Variants in NRG3 observed in about 807,000 individuals in gnomAD.
NRG3 encodes the protein pro-neuregulin-3, membrane-bound isoform.
NRG3 carries 31 observed loss-of-function variants against 66.9 expected under a neutral mutation model. That is an observed-to-expected ratio of 0.46 (90% CI 0.35 to 0.63). The LOEUF is 0.63. NRG3 is among the 20% of genes least tolerant of loss of function. The pLI is 0.00. For synonymous variants in NRG3, 393 were observed against 359.4 expected (o/e 1.09, Z -1.06); for missense variants, 910 against 878.9 (o/e 1.04, Z -0.45).
At chr10:82,384,503 C>T (rs2085848721) in intron 2 of NRG3, among the ~76,000 whole-genome samples, 1 of 152,094 alleles carries the variant, frequency 6.6e-6, no homozygotes, top group African/African-American at 2.4e-5. Flanking sequence ...TCATTTAGTT[C>T]CCACTTATAA....
chr10:81,928,274 G>A (rs1175628635), intron 1 of NRG3, among the ~76,000 whole-genome samples: 1 of 152,116 alleles, frequency 6.6e-6, no homozygotes, highest in Non-Finnish European at 1.5e-5. Flanking sequence ...CACTTGGAAA[G>A]CTTTTTACCA....
intron 4 of NRG3, among the ~76,000 whole-genome samples, chr10:82,899,629 A>C (rs747406874): frequency 9.2e-5 from 14 of 152,346 alleles, no homozygotes; most frequent in Admixed American, 5.9e-4. Flanking sequence ...ATTCTTATAG[A>C]CAAATATAAT....
chr10:82,658,115 A>G (rs148221461), intron 2 of NRG3, among the ~76,000 whole-genome samples: 4 of 152,274 alleles, frequency 2.6e-5, no homozygotes, highest in African/African-American at 7.2e-5. Flanking sequence ...ACATAAACCA[A>G]TATTTTCCAT....
intron 1 of NRG3, among the ~76,000 whole-genome samples, chr10:81,988,166 C>CCA (rs1292134665): frequency 6.6e-6 from 1 of 152,132 alleles, no homozygotes; most frequent in African/African-American, 2.4e-5. Context: ...TACAGAAATG[C>CCA]TCTGAAATAA....
intron 3 of NRG3, among the ~76,000 whole-genome samples, chr10:82,753,598 C>A (rs1033060512): frequency 5.5e-5 from 8 of 145,460 alleles, no homozygotes; most frequent in Non-Finnish European, 1.2e-4. Context: ...TTCTTTTATT[C>A]TTTTATTAGA....
At chr10:82,077,769 T>A (rs2065168038) in intron 1 of NRG3, among the ~76,000 whole-genome samples, 1 of 152,238 alleles carries the variant, frequency 6.6e-6, no homozygotes, top group African/African-American at 2.4e-5. Context: ...GTGTAATTAA[T>A]TTTTCATGAT....
In NRG3 at chr10:82,271,433, A is replaced by G. The variant is rs184667029; in HGVS notation, c.824-87306A>G. ...GGAAAACATATATAAAACACTTTGT[A>G]TAATATCTGACTCAATAATTGGTTG... On this transcript the variant is annotated intron_variant, in intron 1 of 8. Transcript: ENST00000372141. Among the ~76,000 whole-genome samples the G allele has an allele frequency of 4.0e-3, 607 of 152,254 alleles. 3 individuals are homozygous for G. Among genetic ancestry groups the G allele is most frequent in the Non-Finnish European group, 6.2e-3 (419 of 68,000 alleles).
At chr10:82,791,406 T>G (rs1218562432) in intron 3 of NRG3, among the ~76,000 whole-genome samples, 3 of 152,180 alleles carry the variant, frequency 2.0e-5, no homozygotes, top group African/African-American at 7.2e-5. Context: ...TCCATTAACT[T>G]AGTGGTCCAC....
chr10:81,959,233 C>T (rs1174334131), intron 1 of NRG3, among the ~76,000 whole-genome samples: 1 of 152,180 alleles, frequency 6.6e-6, no homozygotes, highest in Non-Finnish European at 1.5e-5. Context: ...GATGTCAGAT[C>T]AGAGAACTCC....
intron 1 of NRG3, among the ~76,000 whole-genome samples, chr10:82,294,632 A>G (rs2079951388): frequency 6.6e-6 from 1 of 152,194 alleles, no homozygotes; most frequent in Non-Finnish European, 1.5e-5. Flanking sequence ...AATCTGCATC[A>G]GCGTTATATG....
Position 82,615,737 on chromosome 10 carries a change from C to T in NRG3, c.954-122840C>T, listed in dbSNP as rs544641402. On this transcript the variant is annotated intron_variant, in intron 2 of 8. Transcript: ENST00000372141. ...TTTAAAACTCATTTTATTATCACAA[C>T]TGAAGAAAGAGATAGTAAAAATGTG... Among the ~76,000 whole-genome samples, 430 of 152,128 alleles carry T rather than the reference C, an allele frequency of 2.8e-3. 2 individuals are homozygous for T. Among genetic ancestry groups the T allele is most frequent in the African/African-American group, 0.01 (420 of 41,484 alleles).
chr10:81,948,502 A>T (rs1849046646), intron 1 of NRG3, among the ~76,000 whole-genome samples: 1 of 152,192 alleles, frequency 6.6e-6, no homozygotes. Context: ...CACTTTTGCA[A>T]TGCAATGTGG....
At chr10:82,516,271 T>A (rs993407173) in intron 2 of NRG3, among the ~76,000 whole-genome samples, 3 of 152,134 alleles carry the variant, frequency 2.0e-5, no homozygotes, top group African/African-American at 7.2e-5. Context: ...TTCTTTTCTT[T>A]ACAAAATCCA....
chr10:82,322,109 G>A (rs1193017585), intron 1 of NRG3, among the ~76,000 whole-genome samples: 2 of 152,164 alleles, frequency 1.3e-5, no homozygotes, highest in Non-Finnish European at 2.9e-5. Flanking sequence ...GGTTGAATAA[G>A]TTGAGTCCAC....
chr10:82,746,340 G>A (rs2644213), intron 3 of NRG3, among the ~76,000 whole-genome samples: 100,489 of 151,980 alleles, frequency 0.66, 34,436 homozygotes, highest in Non-Finnish European at 0.75. Context: ...CTCACTGGGG[G>A]CCACTCTACC....
chr10:82,172,128 A>G (rs1189046190), intron 1 of NRG3, among the ~76,000 whole-genome samples: 1 of 152,128 alleles, frequency 6.6e-6, no homozygotes, highest in Admixed American at 6.6e-5. Context: ...TGGGGTTTCT[A>G]TTGAGGAAGT....
intron 2 of NRG3, among the ~76,000 whole-genome samples, chr10:82,688,445 C>G (rs2054677419): frequency 6.6e-6 from 1 of 152,084 alleles, no homozygotes; most frequent in African/African-American, 2.4e-5. Flanking sequence ...CATGACTGGT[C>G]ATTGTTAATT....
At chr10:82,779,568 T>G (rs1482846645) in intron 3 of NRG3, among the ~76,000 whole-genome samples, 1 of 152,188 alleles carries the variant, frequency 6.6e-6, no homozygotes, top group East Asian at 1.9e-4. Context: ...AAACTCTATC[T>G]TCCTATTGTT....
At chr10:82,540,021 A>G (rs2043429092) in intron 2 of NRG3, among the ~76,000 whole-genome samples, 1 of 152,138 alleles carries the variant, frequency 6.6e-6, no homozygotes, top group Admixed American at 6.6e-5. Flanking sequence ...CTTTGAAAAC[A>G]TCTTTTCTCA....
Sources: allele counts gnomAD v4.1 joint callset (sites outside exome capture counted in the v4.1 genomes callset), GRCh38; gene constraint gnomAD v4.1.1; transcripts MANE v1.5; gene names NCBI Gene and HGNC (gene_info 2026-07-23, HGNC 2026-07-21).